ESR1: variants seen among roughly 807,000 people sequenced by gnomAD.
ESR1 encodes estrogen receptor.
In ESR1, 12 loss-of-function variants were observed where a neutral mutation model predicts 52.7. That is an observed-to-expected ratio of 0.23 (90% confidence interval 0.15 to 0.37). The LOEUF is 0.37. ESR1 is among the 10% of genes least tolerant of loss of function. The pLI is 1.00. For missense variants in ESR1, 584 were observed against 779.7 expected, an observed-to-expected ratio of 0.75 and a Z score of 2.99; for synonymous variants, 305 against 316.8, an observed-to-expected ratio of 0.96 and a Z score of 0.39.
intron 5 of ESR1, among the ~76,000 whole-genome samples, chr6:152,029,754 A>T (rs1375176900): frequency 6.6e-6 from 1 of 152,240 alleles, no homozygotes; most frequent in Admixed American, 6.5e-5. Flanking sequence ...CAATCTAGCA[A>T]GGCAGGCCAA....
rs930181486 is a variant in ESR1 at position 152,102,119 on chromosome 6, G to A, written c.*3153G>A. The A allele has an allele frequency of 9.9e-5, 21 of 211,442 alleles. No individual in the cohort carries two copies. The highest frequency in any genetic ancestry group is 1.5e-3 in the Middle Eastern group (1 of 676). The allele number at this position is 211,442 out of a possible 1,614,324, so 13.1% of individuals were successfully genotyped here. A position where few individuals can be genotyped will look rare whatever the true frequency, so the allele number is the denominator to read the frequency against. ...CCTAAGGAAGTGCAGTCTTTGATTT[G>A]ATTTCCCTAGTAACCTTGCAGATAT... On this transcript the variant is annotated 3_prime_UTR_variant, in exon 8 of 8. Transcript: ENST00000206249.
chr6:151,991,064 T>A (rs553182510), intron 4 of ESR1, among the ~76,000 whole-genome samples: 41 of 152,274 alleles, frequency 2.7e-4, no homozygotes, highest in African/African-American at 7.0e-4. Context: ...GTGCACTAAA[T>A]TTTTTCCTAA....
chr6:151,686,585 G>A (rs964290981), upstream of ESR1, among the ~76,000 whole-genome samples: 1 of 152,142 alleles, frequency 6.6e-6, no homozygotes, highest in Non-Finnish European at 1.5e-5. Flanking sequence ...CTACTCAGAA[G>A]GCTGAGGCAG....
intron 2 of ESR1, among the ~76,000 whole-genome samples, chr6:151,772,420 T>A (rs1314704791): frequency 1.3e-5 from 2 of 152,184 alleles, no homozygotes; most frequent in Non-Finnish European, 2.9e-5. Context: ...GGGTGGTGGG[T>A]GGCACTTTGT....
intron 3 of ESR1, among the ~76,000 whole-genome samples, chr6:151,916,535 A>G (rs1011484383): frequency 6.6e-6 from 1 of 152,172 alleles, no homozygotes; most frequent in African/African-American, 2.4e-5. Flanking sequence ...GCATGGTGAG[A>G]AAGAATTGCT....
chr6:151,935,165 G>A (rs1292704794), intron 3 of ESR1, among the ~76,000 whole-genome samples: 1 of 152,190 alleles, frequency 6.6e-6, no homozygotes, highest in Non-Finnish European at 1.5e-5. Flanking sequence ...GCTTAGATGA[G>A]CACTTGGGAT....
chr6:151,939,241 T>C (rs758687367), intron 3 of ESR1, among the ~76,000 whole-genome samples: 26 of 152,212 alleles, frequency 1.7e-4, no homozygotes, highest in Non-Finnish European at 3.1e-4. Flanking sequence ...TTGCATGATC[T>C]AAACTAATTG....
chr6:151,784,410 A>AGAT (rs1786824100), intron 2 of ESR1, among the ~76,000 whole-genome samples: 1 of 152,214 alleles, frequency 6.6e-6, no homozygotes, highest in Admixed American at 6.5e-5. Flanking sequence ...TTTATAGAGA[A>AGAT]GATATGTTTT....
intron 6 of ESR1, among the ~76,000 whole-genome samples, chr6:152,115,776 C>T (rs2051202817): frequency 1.3e-5 from 2 of 152,158 alleles, no homozygotes; most frequent in South Asian, 4.1e-4. Context: ...AATTATTATA[C>T]AAACTAGCCA....
At chr6:151,665,249 T>C (rs561831717) in intron 1 of ESR1, among the ~76,000 whole-genome samples, 4 of 151,948 alleles carry the variant, frequency 2.6e-5, no homozygotes, top group Admixed American at 1.3e-4. Context: ...AACAAGAAAA[T>C]GAGGTGGGAA....
intron 2 of ESR1, among the ~76,000 whole-genome samples, chr6:151,773,844 T>G (rs1014560479): frequency 1.3e-5 from 2 of 152,244 alleles, no homozygotes; most frequent in African/African-American, 4.8e-5. Context: ...GAGGTTATAG[T>G]TGGAAAATTG....
intron 2 of ESR1, among the ~76,000 whole-genome samples, chr6:151,779,021 A>T (rs576931833): frequency 3.3e-5 from 5 of 151,960 alleles, no homozygotes; most frequent in African/African-American, 1.2e-4. Context: ...GGATTACAAA[A>T]TTTTTCTCCC....
At chr6:151,765,740 C>T (rs535549802) in intron 2 of ESR1, among the ~76,000 whole-genome samples, 4 of 152,270 alleles carry the variant, frequency 2.6e-5, no homozygotes, top group African/African-American at 7.2e-5. Context: ...TCTTTGGTAA[C>T]ATAGGTCAGA....
At chr6:151,898,818 A>C (rs2128395413) in intron 3 of ESR1, among the ~76,000 whole-genome samples, 1 of 152,298 alleles carries the variant, frequency 6.6e-6, no homozygotes, top group Non-Finnish European at 1.5e-5. Context: ...CAGACACGGC[A>C]ACCATCCGAT....
chr6:151,950,211 C>T (rs2036179789), intron 4 of ESR1, among the ~76,000 whole-genome samples: 1 of 152,184 alleles, frequency 6.6e-6, no homozygotes, highest in African/African-American at 2.4e-5. Context: ...AAATTGCCTA[C>T]TCTGGGATGT....
intron 4 of ESR1, among the ~76,000 whole-genome samples, chr6:151,988,646 T>A (rs2040729513): frequency 1.3e-5 from 2 of 152,022 alleles, no homozygotes; most frequent in Admixed American, 6.6e-5. Flanking sequence ...AATATCTGGG[T>A]GTTGAAATAA....
intron 4 of ESR1, among the ~76,000 whole-genome samples, chr6:151,991,836 C>A (rs1166887047): frequency 6.6e-6 from 1 of 152,190 alleles, no homozygotes; most frequent in East Asian, 1.9e-4. Context: ...CCAGGCTGCT[C>A]CATCAGTCAG....
At chr6:151,874,930 T>A (rs1272149854) in intron 2 of ESR1, among the ~76,000 whole-genome samples, 1 of 152,204 alleles carries the variant, frequency 6.6e-6, no homozygotes, top group Admixed American at 6.5e-5. Context: ...AACAAATCAT[T>A]ATTAGTAAAA....
At chr6:151,819,384 G>A (rs1204174603) in intron 1 of ESR1, among the ~76,000 whole-genome samples, 2 of 152,256 alleles carry the variant, frequency 1.3e-5, no homozygotes, top group African/African-American at 4.8e-5. Context: ...TTAGGAACTG[G>A]GCCGCACAGC....
Sources: allele counts gnomAD v4.1 joint callset (sites outside exome capture counted in the v4.1 genomes callset), GRCh38; gene constraint gnomAD v4.1.1; transcripts MANE v1.5; gene names NCBI Gene and HGNC (gene_info 2026-07-23, HGNC 2026-07-21).